AHCYL2: variants seen among roughly 807,000 people sequenced by gnomAD.
The protein encoded by AHCYL2 is S-adenosylhomocysteine hydrolase-like protein 2.
Under a neutral mutation model 81.4 loss-of-function variants are expected in AHCYL2, and 28 were observed. The observed-to-expected ratio is 0.34, with a 90% confidence interval of 0.25 to 0.47. The LOEUF (loss-of-function observed/expected upper bound fraction) is 0.47, where lower values mean the gene tolerates loss of function less well. AHCYL2 is among the 20% of genes least tolerant of loss of function. The pLI is 1.00. For synonymous variants in AHCYL2, 272 were observed against 290.2 expected (o/e 0.94, Z 0.64); for missense variants, 551 against 785.1 (o/e 0.70, Z 3.56).
chr7:129,296,701 C>A (rs1298229625), intron 1 of AHCYL2, among the ~76,000 whole-genome samples: 1 of 152,046 alleles, frequency 6.6e-6, no homozygotes, highest in African/African-American at 2.4e-5. Flanking sequence ...CAGAGTGAGA[C>A]CCTGTCTCTA....
In AHCYL2 at chr7:129,406,526, G is replaced by GAAA; in HGVS notation, c.1295+60_1295+61insAAA. The GAAA allele has an allele frequency of 3.4e-6, 5 of 1,491,382 alleles. No homozygotes were observed. Among genetic ancestry groups the GAAA allele is most frequent in the Non-Finnish European group, 4.7e-6 (5 of 1,068,410 alleles). The allele number at this position is 1,491,382 out of a possible 1,614,324, so 92.4% of individuals were successfully genotyped here. A position where few individuals can be genotyped will look rare whatever the true frequency, so the allele number is the denominator to read the frequency against. ...CGGAGCTGTCTCCAAAGAATGGCCT[G>GAAA]GTTGATGCCACACTTTATTTTAGAG... On this transcript the variant is annotated intron_variant, in intron 10 of 16. Coordinates refer to ENST00000325006, the MANE Select transcript of AHCYL2 (RefSeq NM_015328.4). This position sits in a 1 kb window ranked among gnomAD's most constrained non-coding sequence, Gnocchi z 4.3.
At chr7:129,226,763 G>A (rs1195434857) in intron 1 of AHCYL2, among the ~76,000 whole-genome samples, 1 of 152,144 alleles carries the variant, frequency 6.6e-6, no homozygotes, top group Non-Finnish European at 1.5e-5. Context: ...AAACTCCTCT[G>A]GGAAGAATTA....
At chr7:129,351,581 G>A (rs919809909) in intron 1 of AHCYL2, 2 of 152,212 alleles carry the variant, frequency 1.3e-5, no homozygotes, top group East Asian at 3.8e-4. Context: ...GGCAATGGTA[G>A]AGGCTATGGA....
At chr7:129,233,836 A>G (rs1021726815) in intron 1 of AHCYL2, among the ~76,000 whole-genome samples, 1 of 152,052 alleles carries the variant, frequency 6.6e-6, no homozygotes, top group East Asian at 1.9e-4. Flanking sequence ...CATAGGCTTT[A>G]TGCCTCATTA....
chr7:129,397,055 A>G (rs1795779406), intron 4 of AHCYL2, among the ~76,000 whole-genome samples, 167 bp from the exon 5 acceptor site: 1 of 152,188 alleles, frequency 6.6e-6, no homozygotes, highest in Non-Finnish European at 1.5e-5. Context: ...GCTTCCCCCA[A>G]TACTTGCCTT....
chr7:129,416,264 TG>T (rs1233125724), intron 12 of AHCYL2, among the ~76,000 whole-genome samples: 2 of 152,198 alleles, frequency 1.3e-5, no homozygotes, highest in African/African-American at 4.8e-5. Context: ...AAATATTTTT[TG>T]TATGATTGCT....
chr7:129,375,520 A>C, intron 1 of AHCYL2: 7 of 718,930 alleles, frequency 9.7e-6, no homozygotes, highest in Non-Finnish European at 1.2e-5. Context: ...TAAATAAGCT[A>C]TTGTTATGCG....
Position 129,249,938 on chromosome 7 carries a change from A to G in AHCYL2, c.363+24499A>G, listed in dbSNP as rs1795194212. The stretch of plus-strand genomic sequence containing the variant: ...CCGAGTAATATTCTGTTGTTTATCC[A>G]TTCATCTGTTGATGGATATTATGGA... On this transcript the variant is annotated intron_variant, in intron 1 of 16. Coordinates refer to ENST00000325006, the MANE Select transcript of AHCYL2 (RefSeq NM_015328.4). 2.0e-5 allele frequency among the ~76,000 whole-genome samples: 3 copies of G among 152,242 alleles called. No individual in the cohort carries two copies. In the South Asian group the frequency reaches 6.2e-4, roughly 32 times the overall value.
At chr7:129,259,396 A>C (rs1364130031) in intron 1 of AHCYL2, among the ~76,000 whole-genome samples, 1 of 152,118 alleles carries the variant, frequency 6.6e-6, no homozygotes, top group African/African-American at 2.4e-5. Context: ...TGTACTCCTA[A>C]CCTTTGAATT....
chr7:129,229,806 G>A (rs1436314527), intron 1 of AHCYL2, among the ~76,000 whole-genome samples: 1 of 152,168 alleles, frequency 6.6e-6, no homozygotes, highest in Non-Finnish European at 1.5e-5. Flanking sequence ...ATACAGAAAA[G>A]CATTTCAAGA....
chr7:129,253,809 G>A (rs2150706594), intron 1 of AHCYL2, among the ~76,000 whole-genome samples: 1 of 152,196 alleles, frequency 6.6e-6, no homozygotes, highest in South Asian at 2.1e-4. Flanking sequence ...TTAGAGATTA[G>A]AATGCAAATG....
At chr7:129,240,199 G>A (rs1267810516) in intron 1 of AHCYL2, among the ~76,000 whole-genome samples, 2 of 151,350 alleles carry the variant, frequency 1.3e-5, no homozygotes, top group African/African-American at 4.9e-5. Context: ...TGGGCAACAT[G>A]AGCAAAAAAA....
chr7:129,287,487 C>A (rs1025683862), intron 1 of AHCYL2, among the ~76,000 whole-genome samples: 2 of 152,116 alleles, frequency 1.3e-5, no homozygotes, highest in African/African-American at 4.8e-5. Flanking sequence ...AGCACTGTAC[C>A]GGGAGTAAGT....
At chr7:129,407,810 C>T (rs1041509150) in intron 10 of AHCYL2, among the ~76,000 whole-genome samples, 7 of 152,156 alleles carry the variant, frequency 4.6e-5, no homozygotes, top group African/African-American at 1.4e-4. Context: ...TGGAGTTAAA[C>T]GGCACATGCT....
At chr7:129,228,715 A>G (rs1794312936) in intron 1 of AHCYL2, among the ~76,000 whole-genome samples, 1 of 152,256 alleles carries the variant, frequency 6.6e-6, no homozygotes. Context: ...CTTTCTGACA[A>G]TAAGGCTGCA....
intron 1 of AHCYL2, among the ~76,000 whole-genome samples, chr7:129,276,164 G>C (rs1695676705): frequency 6.6e-6 from 1 of 152,042 alleles, no homozygotes; most frequent in South Asian, 2.1e-4. Flanking sequence ...GAAATTATAA[G>C]TAAAGCCGAA....
intron 8 of AHCYL2, chr7:129,405,521 A>G (rs1219270116): frequency 5.6e-6 from 2 of 354,410 alleles, no homozygotes; most frequent in East Asian, 9.0e-5. Context: ...GGAAAAAAAA[A>G]GGAAAAAAAC....
chr7:129,297,737 C>T (rs1285335368), intron 1 of AHCYL2, among the ~76,000 whole-genome samples: 1 of 151,958 alleles, frequency 6.6e-6, no homozygotes, highest in Non-Finnish European at 1.5e-5. Flanking sequence ...AAAATCATTA[C>T]CTGGCTGGAT....
intron 1 of AHCYL2, among the ~76,000 whole-genome samples, chr7:129,364,532 C>A (rs1794039308): frequency 6.6e-6 from 1 of 152,232 alleles, no homozygotes; most frequent in South Asian, 2.1e-4. Flanking sequence ...TTCAGGTGAT[C>A]TGCCCACCTC....
Sources: gnomAD v4.1 joint callset for allele counts (sites outside exome capture counted in the v4.1 genomes callset) on GRCh38, gnomAD v4.1.1 for gene constraint, Gnocchi (gnomAD v3.1) non-coding constraint, MANE v1.5 for transcripts, NCBI Gene and HGNC (gene_info 2026-07-23, HGNC 2026-07-21) for gene names.